SH3PXD2A: variants seen among roughly 807,000 people sequenced by gnomAD.
SH3PXD2A encodes the protein SH3 and PX domains 2A, also known as SH3 and PX domain-containing protein 2A.
SH3PXD2A carries 32 observed loss-of-function variants against 115.2 expected under a neutral mutation model. The ratio of observed to expected loss-of-function variants is 0.28; its 90% CI spans 0.21 to 0.37. The LOEUF is 0.37. Ranked by LOEUF, SH3PXD2A falls within the 10% of genes least tolerant of loss-of-function variation. The pLI, the probability that SH3PXD2A is intolerant of heterozygous loss-of-function variation, is 1.00. For synonymous variants in SH3PXD2A, 610 were observed against 629.1 expected (o/e 0.97, Z 0.45); for missense variants, 1,328 against 1,498.7 (o/e 0.89, Z 1.88).
At position 103,773,443 on chromosome 10, in the gene SH3PXD2A, CTT is replaced by C. The variant is rs545361723; in HGVS notation, c.154-6276_154-6275del. Among the ~76,000 whole-genome samples, 821 of 125,062 alleles carry C rather than the reference CTT, an allele frequency of 6.6e-3. 5 individuals carry two copies. The highest frequency in any genetic ancestry group is 0.022 in the African/African-American group (778 of 35,142). 82.0% of individuals were successfully genotyped at this position (125,062 alleles called of 152,430 possible). ...GGTTTTTCTTCTCTTTTCTTTCTTT[CTT>C]TTTTTTTTTTTTGAGACGGAGTCTC... On this transcript the variant is annotated intron_variant, in intron 2 of 14. Coordinates refer to ENST00000369774, the MANE Select transcript of SH3PXD2A (RefSeq NM_001394015.1).
At chr10:103,714,432 T>C (rs1213412459) in intron 5 of SH3PXD2A, among the ~76,000 whole-genome samples, 1 of 152,188 alleles carries the variant, frequency 6.6e-6, no homozygotes, top group Non-Finnish European at 1.5e-5. Flanking sequence ...CTTCTCTCCC[T>C]GGACATGGGC....
chr10:103,768,043 T>A (rs538615155), intron 2 of SH3PXD2A, among the ~76,000 whole-genome samples: 39 of 152,260 alleles, frequency 2.6e-4, no homozygotes, highest in African/African-American at 9.4e-4. Flanking sequence ...CTTGGTAGAA[T>A]GAGAAGGATC....
chr10:103,723,181 G>A (rs574238838), intron 5 of SH3PXD2A, among the ~76,000 whole-genome samples: 78 of 152,062 alleles, frequency 5.1e-4, no homozygotes, highest in Middle Eastern at 6.3e-3. Context: ...TGGCCCAGAG[G>A]GTTCCTGTGT....
chr10:103,768,310 G>T (rs1365700834), intron 2 of SH3PXD2A, among the ~76,000 whole-genome samples: 2 of 152,242 alleles, frequency 1.3e-5, no homozygotes, highest in Non-Finnish European at 2.9e-5. Flanking sequence ...ATTTTATATA[G>T]GGCGGCAAAG....
chr10:103,837,918 C>A (rs2039561374), intron 1 of SH3PXD2A, among the ~76,000 whole-genome samples: 1 of 152,068 alleles, frequency 6.6e-6, no homozygotes, highest in Non-Finnish European at 1.5e-5. Flanking sequence ...CACTGAGCCG[C>A]CTCTTGGGGC....
chr10:103,771,846 T>C (rs1199984749), intron 2 of SH3PXD2A, among the ~76,000 whole-genome samples: 1 of 151,850 alleles, frequency 6.6e-6, no homozygotes, highest in Non-Finnish European at 1.5e-5. Flanking sequence ...AACATGCATC[T>C]GCAGCTCTTG....
intron 1 of SH3PXD2A, among the ~76,000 whole-genome samples, chr10:103,825,680 G>A (rs745877328): frequency 2.6e-5 from 4 of 152,038 alleles, no homozygotes; most frequent in African/African-American, 9.7e-5. Context: ...CTCTCCTTCC[G>A]GACAGCACTG....
intron 1 of SH3PXD2A, among the ~76,000 whole-genome samples, chr10:103,842,060 G>A (rs1307364090): frequency 6.7e-6 from 1 of 149,548 alleles, no homozygotes; most frequent in African/African-American, 2.5e-5. Context: ...GGGAGGTGGA[G>A]CTTGCAGTGA....
Position 103,756,730 on chromosome 10 carries a change from C to G in SH3PXD2A, c.229+10364G>C, listed in dbSNP as rs2038645997. 6.6e-6 allele frequency among the ~76,000 whole-genome samples: 1 copy of G among 152,148 alleles called. No homozygotes were observed. The highest frequency in any genetic ancestry group is 2.1e-4 in the South Asian group (1 of 4,822). ...CCAGACAGAGCTATGGGCAGTCATC[C>G]TCGACCCCACCCCACCACCTCCAAT... is the stretch of plus-strand genomic sequence containing the variant. On this transcript the variant is annotated intron_variant, in intron 3 of 14. Transcript: ENST00000369774. The surrounding 1 kb of genome is among the most constrained non-coding windows in gnomAD (Gnocchi z 4.4).
At chr10:103,696,200 A>G (rs1015920837) in intron 5 of SH3PXD2A, among the ~76,000 whole-genome samples, 1 of 152,236 alleles carries the variant, frequency 6.6e-6, no homozygotes, top group African/African-American at 2.4e-5. Flanking sequence ...TGAATCCTTC[A>G]GGGTGTCTGG....
intron 2 of SH3PXD2A, among the ~76,000 whole-genome samples, chr10:103,795,904 AAGGAAGGAAGGAAGGAAGGAAGGAAGGC>A (rs1437025265): frequency 1.5e-3 from 85 of 57,174 alleles, no homozygotes; most frequent in South Asian, 7.1e-3. Context: ...GAGGGAGGAA[AAGGAAGGAAGGAAGGAAGGAAGGAAGGC>A]AGGAAGGAAG....
chr10:103,628,248 C>T (rs930150435), intron 8 of SH3PXD2A, among the ~76,000 whole-genome samples: 2 of 152,200 alleles, frequency 1.3e-5, no homozygotes, highest in African/African-American at 4.8e-5. Flanking sequence ...ACTTAGAACC[C>T]CAGCTCATCT....
intron 1 of SH3PXD2A, among the ~76,000 whole-genome samples, chr10:103,802,622 G>C (rs984210933): frequency 1.3e-5 from 2 of 152,224 alleles, no homozygotes; most frequent in African/African-American, 4.8e-5. Context: ...ACAGCCTCAG[G>C]GCTTTTCTGT....
At chr10:103,724,151 C>CG in intron 5 of SH3PXD2A, 119 bp downstream of exon 5, 1 of 477,506 alleles carries the variant, frequency 2.1e-6, no homozygotes, top group Non-Finnish European at 3.7e-6. Context: ...TTCTTTAGCC[C>CG]GGCTGGCCCT....
chr10:103,615,726 G>C (rs1165123745), intron 11 of SH3PXD2A, among the ~76,000 whole-genome samples: 6 of 152,092 alleles, frequency 3.9e-5, no homozygotes, highest in Admixed American at 2.0e-4. Context: ...AAGCAGCTCA[G>C]AGTGACTTTG....
intron 2 of SH3PXD2A, among the ~76,000 whole-genome samples, chr10:103,771,775 A>T (rs1012461430): frequency 6.6e-6 from 1 of 151,786 alleles, no homozygotes; most frequent in Non-Finnish European, 1.5e-5. Context: ...ACACACACAC[A>T]CACACAGACA....
chr10:103,749,270 C>A (rs2038546229), intron 3 of SH3PXD2A, among the ~76,000 whole-genome samples: 1 of 152,198 alleles, frequency 6.6e-6, no homozygotes, highest in Non-Finnish European at 1.5e-5. Context: ...ATGTGGAACA[C>A]AGGGGTGAAG....
chr10:103,691,568 C>T (rs538502229), intron 6 of SH3PXD2A, among the ~76,000 whole-genome samples: 10 of 152,226 alleles, frequency 6.6e-5, no homozygotes, highest in African/African-American at 1.9e-4. Flanking sequence ...CCCAGGCTCA[C>T]CCCACGGTTC....
Position 103,603,532 on chromosome 10 carries a change from T to A in SH3PXD2A, c.1686A>T (p.Ala562=). 1 of 1,612,582 alleles carries A rather than the reference T, an allele frequency of 6.2e-7. No homozygotes were observed. Among genetic ancestry groups the A allele is most frequent in the South Asian group, 1.1e-5 (1 of 90,862 alleles). ...GCTCAGGCTCTGAGTCAAAGCCGAATGCAGGGATGTCATACTCAGGCTCCT... is the reference window on the plus strand; with the variant it reads ...GCTCAGGCTCTGAGTCAAAGCCGAAAGCAGGGATGTCATACTCAGGCTCCT... ...KYEEPEYDIP[A]FGFDSEPELS... is the part of the protein sequence containing the mutation. Residue 562 remains alanine, a synonymous_variant, in exon 15 of 15, where the codon GCA becomes GCT. Coordinates refer to ENST00000369774, the MANE Select transcript of SH3PXD2A (RefSeq NM_001394015.1).
Sources: allele counts gnomAD v4.1 joint callset (sites outside exome capture counted in the v4.1 genomes callset), GRCh38; gene constraint gnomAD v4.1.1; non-coding constraint Gnocchi (gnomAD v3.1); transcripts MANE v1.5; gene names NCBI Gene and HGNC (gene_info 2026-07-23, HGNC 2026-07-21).